The following GPA33 variants were observed in gnomAD, a reference collection of about 807,000 sequenced individuals.
GPA33 encodes the protein glycoprotein A33.
A neutral mutation model predicts 35.6 loss-of-function variants in GPA33; 27 were observed. That is an observed-to-expected ratio of 0.76 (90% confidence interval 0.56 to 1.04). The LOEUF (loss-of-function observed/expected upper bound fraction) is 1.04, where lower values mean the gene tolerates loss of function less well. Ranked by LOEUF, GPA33 falls within the 50% of genes least tolerant of loss-of-function variation. GPA33 has a pLI of 0.00. For missense variants in GPA33, 428 were observed against 411.9 expected (o/e 1.04, Z -0.34); for synonymous variants, 176 against 164.0 (o/e 1.07, Z -0.56).
chr1:167,069,134 C>T lies in GPA33; in HGVS notation c.203G>A (p.Arg68Lys). 6.2e-7 allele frequency: 1 copy of T among 1,611,232 alleles called. No homozygotes were observed. The highest frequency in any genetic ancestry group is 1.3e-5 in the African/African-American group (1 of 74,970). The part of the protein sequence containing the change: ...WDKLLLTHTE[R>K]VVIWPFSNKN... ...GTTTGAAAACGGCCAGATGACCACC[C>T]TTTCCTGGAGAGAGAAGAAATGGCA... is the stretch of plus-strand genomic sequence containing the variant. Residue 68 changes from arginine to lysine, a missense_variant, in exon 3 of 7, where the codon AGG (arginine) becomes AAG (lysine). Arg to Lys is a conservative substitution (Grantham distance 26, BLOSUM62 2). Transcript: ENST00000367868.
chr1:167,062,164 A>ATAATTTATT (rs1666467780), intron 4 of GPA33, among the ~76,000 whole-genome samples: 1 of 151,804 alleles, frequency 6.6e-6, no homozygotes, highest in Admixed American at 6.6e-5. Context: ...TTTTTAAAAA[A>ATAATTTATT]TATTTTATTT....
chr1:167,087,114 A>G (rs2102207221), intron 1 of GPA33, among the ~76,000 whole-genome samples: 1 of 152,292 alleles, frequency 6.6e-6, no homozygotes, highest in African/African-American at 2.4e-5. Flanking sequence ...TTTCTCTAAC[A>G]GCCTTGTGGA....
chr1:167,058,071 C>T (rs1488299723), intron 4 of GPA33, among the ~76,000 whole-genome samples: 6 of 152,130 alleles, frequency 3.9e-5, no homozygotes, highest in Non-Finnish European at 8.8e-5. Context: ...TGGTGGTGTG[C>T]GCCTCTAGTC....
At chr1:167,070,864 TC>T (rs1286198864) in intron 2 of GPA33, among the ~76,000 whole-genome samples, 1 of 152,132 alleles carries the variant, frequency 6.6e-6, no homozygotes, top group Non-Finnish European at 1.5e-5. Context: ...ACGGCAGACT[TC>T]CAGGGTAAGA....
At position 167,061,237 on chromosome 1, in the gene GPA33, T is replaced by C. The variant is rs145353711; in HGVS notation, c.571+2345A>G. Among the ~76,000 whole-genome samples the C allele has an allele frequency of 8.3e-4, 127 of 152,374 alleles. 1 individual carries two copies. The highest frequency in any genetic ancestry group is 2.8e-3 in the African/African-American group (118 of 41,602). ...GGAGAAACCTTCTTTGATCTTCTTA[T>C]GCATCTTCTGTGTTACATCACCACT... is the stretch of plus-strand genomic sequence containing the variant. On this transcript the variant is annotated intron_variant, in intron 4 of 6. Coordinates refer to ENST00000367868, the MANE Select transcript of GPA33 (RefSeq NM_005814.3).
At position 167,073,506 on chromosome 1, in the gene GPA33, G is replaced by A; in HGVS notation, c.77C>T (p.Thr26Ile). ...CGAAGCCCGAAGAACGTCCTGCGGA[G>A]TTTCCACAGAGATGGCATCGACGGT... ...RVTVDAISVETPQDVLRASQG... is the reference protein window; with the variant it reads ...RVTVDAISVEIPQDVLRASQG... Residue 26 changes from threonine (T) to isoleucine (I), a missense_variant, in exon 2 of 7, where the codon ACT becomes ATT. Transcript: ENST00000367868. 6.2e-7 allele frequency: 1 copy of A among 1,613,726 alleles called. No homozygotes were observed. Among genetic ancestry groups the A allele is most frequent in the Non-Finnish European group, 8.5e-7 (1 of 1,179,622 alleles).
At chr1:167,069,377 G>T (rs151126936) in intron 2 of GPA33, among the ~76,000 whole-genome samples, 1 of 152,036 alleles carries the variant, frequency 6.6e-6, no homozygotes, top group East Asian at 1.9e-4. Context: ...AGTTCATACC[G>T]CAGTACACAT....
At chr1:167,064,923 G>A (rs760470290) in intron 3 of GPA33, among the ~76,000 whole-genome samples, 2 of 152,198 alleles carry the variant, frequency 1.3e-5, no homozygotes, top group East Asian at 1.9e-4. Context: ...GGCAGAGGGC[G>A]CAGAGGTAAG....
chr1:167,056,854 G>GTA (rs1194917242), intron 4 of GPA33, among the ~76,000 whole-genome samples: 5 of 46,584 alleles, frequency 1.1e-4, no homozygotes, highest in Admixed American at 1.9e-4. Flanking sequence ...TGTAATGTGT[G>GTA]TGGTGTGTGT....
rs190961147 is a variant in GPA33, at chr1:167,086,965, G to T, written c.43+3280C>A. ...TGAGCAGAGCTGTTCAGTGACTTTT[G>T]TCTCCTGGAGCTTGCCTCTTTATGC... On this transcript the variant is annotated intron_variant, in intron 1 of 6. Coordinates refer to ENST00000367868, the MANE Select transcript of GPA33 (RefSeq NM_005814.3). Among the ~76,000 whole-genome samples, 990 of 152,138 alleles carry T rather than the reference G, an allele frequency of 6.5e-3. 18 individuals are homozygous for T. The highest frequency in any genetic ancestry group is 0.023 in the African/African-American group (951 of 41,478).
At chr1:167,077,290 G>C (rs1666843374) in intron 1 of GPA33, among the ~76,000 whole-genome samples, 1 of 151,968 alleles carries the variant, frequency 6.6e-6, no homozygotes, top group African/African-American at 2.4e-5. Context: ...CTTCAATGGA[G>C]CCCTCCAGTG....
intron 2 of GPA33, among the ~76,000 whole-genome samples, chr1:167,071,304 T>C (rs1666714083): frequency 6.6e-6 from 1 of 152,134 alleles, no homozygotes; most frequent in Admixed American, 6.5e-5. Context: ...GATGGCTGAA[T>C]GAAGTGTACT....
chr1:167,056,258 T>A (rs1404287376), intron 4 of GPA33, among the ~76,000 whole-genome samples: 1 of 152,228 alleles, frequency 6.6e-6, no homozygotes, highest in Non-Finnish European at 1.5e-5. Context: ...GGAAACATAA[T>A]GCACATTATG....
At position 167,068,913 on chromosome 1, in the gene GPA33, G is replaced by T; in HGVS notation, c.415+9C>A. The T allele has an allele frequency of 6.2e-7, 1 of 1,605,648 alleles. No homozygotes were observed. Among genetic ancestry groups the T allele is most frequent in the East Asian group, 2.2e-5 (1 of 44,836 alleles). On this transcript the variant is annotated intron_variant, in intron 3 of 6. Coordinates refer to ENST00000367868, the MANE Select transcript of GPA33 (RefSeq NM_005814.3). ...TCCTACAACTCCTGAAAGACATGAAGACACTCACCGAGGACCAACAGGCGG... is the reference window on the plus strand; with the variant it reads ...TCCTACAACTCCTGAAAGACATGAATACACTCACCGAGGACCAACAGGCGG...
chr1:167,056,152 T>C (rs1666245179), intron 4 of GPA33, among the ~76,000 whole-genome samples: 1 of 152,190 alleles, frequency 6.6e-6, no homozygotes, highest in African/African-American at 2.4e-5. Flanking sequence ...TCAGAAATAA[T>C]AGTACCTGCC....
chr1:167,069,935 C>T (rs747736765), intron 2 of GPA33, among the ~76,000 whole-genome samples: 12 of 152,210 alleles, frequency 7.9e-5, no homozygotes, highest in Non-Finnish European at 1.6e-4. Context: ...TGATAATTCA[C>T]GAATTCTGCA....
At position 167,054,184 on chromosome 1, in the gene GPA33, G is replaced by A. The variant is rs1666177891; in HGVS notation, c.*150C>T. The stretch of plus-strand genomic sequence containing the variant: ...GGGACCCCCTTACCAGGCCAGCCAT[G>A]TTCCCCACAGCTGACACTGGGGAAG... On this transcript the variant is annotated 3_prime_UTR_variant, in exon 7 of 7. Coordinates refer to ENST00000367868, the MANE Select transcript of GPA33 (RefSeq NM_005814.3). 1.9e-6 allele frequency: 2 copies of A among 1,039,820 alleles called. No individual in the cohort carries two copies. Among genetic ancestry groups the A allele is most frequent in the East Asian group, 2.5e-5 (1 of 40,346 alleles). 64.4% of individuals were successfully genotyped at this position (1,039,820 alleles called of 1,614,324 possible).
intron 3 of GPA33, among the ~76,000 whole-genome samples, chr1:167,066,903 G>A (rs1425577611): frequency 2.0e-5 from 3 of 152,210 alleles, no homozygotes; most frequent in African/African-American, 7.2e-5. Context: ...CGAGGCGCGG[G>A]CTGAGGGGCC....
intron 1 of GPA33, among the ~76,000 whole-genome samples, chr1:167,079,352 T>A (rs1460204874): frequency 6.6e-6 from 1 of 151,660 alleles, no homozygotes; most frequent in African/African-American, 2.4e-5. Context: ...ATTAGCCAGG[T>A]GTGGCAGCAT....
Sources: gnomAD v4.1 joint callset for allele counts (sites outside exome capture counted in the v4.1 genomes callset) on GRCh38, gnomAD v4.1.1 for gene constraint, MANE v1.5 for transcripts, NCBI Gene and HGNC (gene_info 2026-07-23, HGNC 2026-07-21) for gene names.